SH2B1: variants seen among roughly 807,000 people sequenced by gnomAD.
The protein encoded by SH2B1 is SH2B adaptor protein 1.
A neutral mutation model predicts 62.6 loss-of-function variants in SH2B1; 15 were observed. The observed-to-expected ratio is 0.24, with a 90% confidence interval of 0.16 to 0.37. The LOEUF (loss-of-function observed/expected upper bound fraction) is 0.37. Ranked by LOEUF, SH2B1 falls within the 10% of genes least tolerant of loss-of-function variation. The pLI, the probability that SH2B1 is intolerant of heterozygous loss-of-function variation, is 1.00. For missense variants in SH2B1, 925 were observed against 1,015.6 expected (o/e 0.91, Z 1.21); for synonymous variants, 443 against 438.0 (o/e 1.01, Z -0.14).
intron 1 of SH2B1, among the ~76,000 whole-genome samples, chr16:28,853,014 T>A (rs1439973399): frequency 0.013 from 999 of 77,106 alleles, 189 homozygotes; most frequent in African/African-American, 0.067. Flanking sequence ...ACATATATAT[T>A]TATATATGTA....
upstream of SH2B1, among the ~76,000 whole-genome samples, chr16:28,860,622 C>G (rs150223546): frequency 5.3e-5 from 8 of 152,256 alleles, no homozygotes; most frequent in African/African-American, 1.9e-4. Context: ...CACCAAGTCA[C>G]GCAGCAGTCT....
chr16:28,863,673 A>C (rs1012236564), upstream of SH2B1: 21 of 1,535,092 alleles, frequency 1.4e-5, no homozygotes, highest in Non-Finnish European at 1.8e-5. Context: ...TTTAGGTGCA[A>C]CTGGAGAAGG....
At position 28,872,311 on chromosome 16, in the gene SH2B1, C is replaced by A; in HGVS notation, c.1635C>A (p.Gly545=). Residue 545 remains glycine (G), a synonymous_variant, in exon 6 of 8, where the codon GGC becomes GGA. Transcript: ENST00000684370. The surrounding 1 kb of genome is among the most constrained non-coding windows in gnomAD (Gnocchi z 5.3). Reference sequence around the variant, plus strand: ...CTGCACAGTTGGTGCTGACTGGCGGCACTGGCTCCCACGGTGTCTTCCTGG... The same window carrying A: ...CTGCACAGTTGGTGCTGACTGGCGGAACTGGCTCCCACGGTGTCTTCCTGG... ...LKAAQLVLTG[G]TGSHGVFLVR... is the part of the protein sequence containing the mutation. 6.2e-7 allele frequency: 1 copy of A among 1,613,772 alleles called. No homozygotes were observed. The highest frequency in any genetic ancestry group is 8.5e-7 in the Non-Finnish European group (1 of 1,179,868).
intron 1 of SH2B1, among the ~76,000 whole-genome samples, chr16:28,856,110 C>CA (rs56267263): frequency 0.28 from 38,017 of 134,826 alleles, 5,491 homozygotes; most frequent in South Asian, 0.54. Context: ...ACTAAAAATA[C>CA]AAAAAAAAAA....
rs150626391 is a variant in SH2B1, at chr16:28,849,086, T to A, written c.-301+2259T>A. On this transcript the variant is annotated intron_variant, in intron 1 of 10. Transcript: ENST00000322610. ...CAGTTCTGCTTAGGAAAGGCTGGTA[T>A]CATGTGTAGTATAAACAGATTTTGT... 1.9e-3 allele frequency among the ~76,000 whole-genome samples: 286 copies of A among 152,302 alleles called. 4 individuals are homozygous for A. The highest frequency in any genetic ancestry group is 0.016 in the South Asian group (77 of 4,824).
upstream of SH2B1, among the ~76,000 whole-genome samples, chr16:28,859,102 T>A (rs376077314): frequency 2.0e-5 from 3 of 151,944 alleles, no homozygotes; most frequent in East Asian, 5.8e-4. Flanking sequence ...CCACCCAACC[T>A]GGCTAATTTT....
Position 28,865,915 on chromosome 16 carries a change from T to C in SH2B1, c.-180T>C. The C allele has an allele frequency of 1.4e-6, 2 of 1,405,524 alleles. No individual in the cohort carries two copies. Among genetic ancestry groups the C allele is most frequent in the Non-Finnish European group, 1.8e-6 (2 of 1,085,338 alleles). The allele number at this position is 1,405,524 out of a possible 1,614,324, so 87.1% of individuals were successfully genotyped here. ...CTTCCCCATTGCTCTCTGCGGAGTC[T>C]GAAGTAGGGTCGGACGTCTCTGGCT... On this transcript the variant is annotated 5_prime_UTR_variant, in exon 1 of 8. It removes the in-frame stop codon of an upstream open reading frame in the 5' UTR. Transcript: ENST00000684370.
chr16:28,864,242 A>C lies in SH2B1; in HGVS notation c.-1853A>C. The C allele has an allele frequency of 3.9e-6, 4 of 1,015,268 alleles. No homozygotes were observed. Among genetic ancestry groups the C allele is most frequent in the Non-Finnish European group, 4.7e-6 (4 of 847,978 alleles). The allele number at this position is 1,015,268 out of a possible 1,614,324, so 62.9% of individuals were successfully genotyped here. A position where few individuals can be genotyped will look rare whatever the true frequency, so the allele number is the denominator to read the frequency against. ...CCCTCCACCTCCCGCCCTTCGGGAA[A>C]TATCAGAACTGAGCCAGGAGGCAGG... On this transcript the variant is annotated 5_prime_UTR_variant, in exon 1 of 8. Coordinates refer to ENST00000684370, the MANE Select transcript of SH2B1 (RefSeq NM_001387430.1).
Position 28,873,494 on chromosome 16 carries a change from T to C in SH2B1, c.1945T>C (p.Trp649Arg), listed in dbSNP as rs1269940281. ...ACCCCAGCCCCCTGAACCCCCTTCA[T>C]GGACAGATCCCCCACAGCCTGGGGC... The part of the protein sequence containing the change: ...DPPQPPEPPS[W>R]TDPPQPGAEE... The change falls in exon 8 of 8, where the codon TGG becomes CGG. Residue 649 changes from tryptophan (W) to arginine (R), a missense_variant. Coordinates refer to ENST00000684370, the MANE Select transcript of SH2B1 (RefSeq NM_001387430.1). This position sits in a 1 kb window ranked among gnomAD's most constrained non-coding sequence, Gnocchi z 4.2. 1 of 1,567,654 alleles carries C rather than the reference T, an allele frequency of 6.4e-7. No homozygotes were observed. The highest frequency in any genetic ancestry group is 1.1e-5 in the South Asian group (1 of 87,034).
At chr16:28,868,617 G>A (rs555053159) in intron 2 of SH2B1, among the ~76,000 whole-genome samples, 1 of 151,998 alleles carries the variant, frequency 6.6e-6, no homozygotes, top group African/African-American at 2.4e-5. Flanking sequence ...CTGCCACCAC[G>A]CCTGGCTAAT....
rs1231954075 is a variant in SH2B1 at position 28,853,902 on chromosome 16, G to A, written c.-301+7075G>A. 4.1e-5 allele frequency among the ~76,000 whole-genome samples: 6 copies of A among 148,094 alleles called. No homozygotes were observed. In the Admixed American group the frequency reaches 4.1e-4, roughly 10 times the overall value. On this transcript the variant is annotated intron_variant, in intron 1 of 10. Coordinates refer to the SH2B1 transcript ENST00000322610. ...TGTAGTCCCAGCTACTCGGGAGGCT[G>A]AGACAGGAGAATGGCGTAAAACCCG...
chr16:28,869,413 C>T, intron 4 of SH2B1, 30 bp downstream of exon 4: 1 of 1,591,646 alleles, frequency 6.3e-7, no homozygotes, highest in South Asian at 1.1e-5. Context: ...GAGCTCGGAG[C>T]CTCGGAACCT....
chr16:28,864,835 T>C lies in SH2B1; in HGVS notation c.-1260T>C, dbSNP rs534141582. On this transcript the variant is annotated 5_prime_UTR_variant, in exon 1 of 8. Transcript: ENST00000684370. The stretch of plus-strand genomic sequence containing the variant: ...ATAATATTCTTCTCCCACATGAAGA[T>C]AGTAACAATGGCAGTCGTTCAGCGG... The C allele has an allele frequency of 4.5e-5, 12 of 266,706 alleles. No homozygotes were observed. Among genetic ancestry groups the C allele is most frequent in the Non-Finnish European group, 5.8e-5 (10 of 173,002 alleles). 16.5% of individuals were successfully genotyped at this position (266,706 alleles called of 1,614,324 possible).
At chr16:28,852,734 A>ATATATATT (rs1962179619) in intron 1 of SH2B1, among the ~76,000 whole-genome samples, 1 of 58,486 alleles carries the variant, frequency 1.7e-5, no homozygotes, top group African/African-American at 9.0e-5. Context: ...TTATATATAT[A>ATATATATT]CATATATATA....
In SH2B1 at chr16:28,873,268, G is replaced by T; in HGVS notation, c.1898-179G>T. 1.2e-6 allele frequency: 2 copies of T among 1,607,274 alleles called. No homozygotes were observed. The highest frequency in any genetic ancestry group is 1.7e-5 in the Admixed American group (1 of 59,392). ...CATGCCCTTCGGAGCGAGTGACTGT[G>T]TGTAAGTGTGGTCCTCCTCTCACCA... On this transcript the variant is annotated intron_variant, in intron 7 of 7. Transcript: ENST00000684370. The surrounding 1 kb of genome is among the most constrained non-coding windows in gnomAD (Gnocchi z 4.2).
intron 2 of SH2B1, among the ~76,000 whole-genome samples, chr16:28,868,604 C>T (rs1483127565): frequency 6.6e-6 from 1 of 152,096 alleles, no homozygotes; most frequent in East Asian, 1.9e-4. Context: ...GGACTACAGG[C>T]GCCTGCCACC....
rs201309896 is a variant in SH2B1 at position 28,869,359 on chromosome 16, G to A, written c.1285G>A (p.Glu429Lys). 16 of 1,613,924 alleles carry A rather than the reference G, an allele frequency of 9.9e-6. No homozygotes were observed. The highest frequency in any genetic ancestry group is 8.0e-5 in the African/African-American group (6 of 75,022). Reference sequence around the variant, plus strand: ...CCAGGACCTGCTGCTTGGACCCAGCGAGAGCAATGACCGCCTGTCGCAGGG... The same window carrying A: ...CCAGGACCTGCTGCTTGGACCCAGCAAGAGCAATGACCGCCTGTCGCAGGG... The part of the protein sequence containing the change: ...PSQDLLLGPS[E>K]SNDRLSQGAY... The change falls in exon 4 of 8, where the codon GAG becomes AAG. Residue 429 changes from glutamate to lysine, a missense_variant. By Grantham distance (56) the Glu-to-Lys change is moderately conservative. This residue lies in a region of SH2B1 where 683 missense variants were observed against 704.0 expected (regional missense o/e 0.97). Coordinates refer to ENST00000684370, the MANE Select transcript of SH2B1 (RefSeq NM_001387430.1).
At chr16:28,862,800 T>C (rs919822416), upstream of SH2B1, 1 of 146,224 alleles carries the variant, frequency 6.8e-6, no homozygotes, top group East Asian at 2.0e-4. Flanking sequence ...GTATTTTTAG[T>C]ACAGACGGGG....
Position 28,853,727 on chromosome 16 carries a change from C to T in SH2B1, c.-301+6900C>T, listed in dbSNP as rs532702243. Among the ~76,000 whole-genome samples, 24 of 151,178 alleles carry T rather than the reference C, an allele frequency of 1.6e-4. No homozygotes were observed. The East Asian group carries it at 1.8e-3, about 11-fold the overall frequency. On this transcript the variant is annotated intron_variant, in intron 1 of 10. Transcript: ENST00000322610. ...TTAAAATGTGCCTCGAAGCTGGGTG[C>T]GGTGGCTCATGCCTGTAATCCCAGC... is the stretch of plus-strand genomic sequence containing the variant.
Sources: gnomAD v4.1 joint callset for allele counts (sites outside exome capture counted in the v4.1 genomes callset) on GRCh38, gnomAD v4.1.1 for gene constraint, gnomAD v4.1.1 regional missense constraint, Gnocchi (gnomAD v3.1) non-coding constraint, MANE v1.5 for transcripts, NCBI Gene and HGNC (gene_info 2026-07-23, HGNC 2026-07-21) for gene names.